ESYT2: variants seen among roughly 807,000 people sequenced by gnomAD.
The protein encoded by ESYT2 is extended synaptotagmin-2.
In ESYT2, 54 loss-of-function variants were observed where a neutral mutation model predicts 107.2. The observed-to-expected ratio is 0.50, with a 90% CI of 0.40 to 0.63. ESYT2 has a LOEUF of 0.63. Ranked by LOEUF, ESYT2 falls within the 30% of genes least tolerant of loss-of-function variation. ESYT2 has a pLI of 0.00. For missense variants in ESYT2, 1,020 were observed against 1,094.5 expected, an observed-to-expected ratio of 0.93 and a Z score of 0.96; for synonymous variants, 491 against 434.1, an observed-to-expected ratio of 1.13 and a Z score of -1.63.
chr7:158,806,702 TCACA>T (rs901229507), intron 1 of ESYT2, among the ~76,000 whole-genome samples: 1 of 152,206 alleles, frequency 6.6e-6, no homozygotes. Flanking sequence ...AAAAGAAAGG[TCACA>T]CAATTATTTC....
In ESYT2 at chr7:158,829,223, C is replaced by G; in HGVS notation, c.196G>C (p.Ala66Pro). The change falls in exon 1 of 23, where the codon GCG becomes CCG. Residue 66 changes from alanine to proline, a missense_variant. Coordinates refer to ENST00000275418, the MANE Select transcript of ESYT2 (RefSeq NM_001367773.1). ...LGLSFSWVLLALALLAWCRRS... is the reference protein window; with the variant it reads ...LGLSFSWVLLPLALLAWCRRS... ...CGACACCAGGCGAGCAGCGCGAGCG[C>G]GAGGAGAACCCAGCTGAAGCTGAGC... 1 of 1,529,284 alleles carries G rather than the reference C, an allele frequency of 6.5e-7. No homozygotes were observed. The highest frequency in any genetic ancestry group is 8.7e-7 in the Non-Finnish European group (1 of 1,145,938). 94.7% of individuals were successfully genotyped at this position (1,529,284 alleles called of 1,614,324 possible).
chr7:158,759,734 C>T (rs1837895319), intron 12 of ESYT2, among the ~76,000 whole-genome samples, 153 bp from the exon 13 acceptor site: 1 of 152,158 alleles, frequency 6.6e-6, no homozygotes, highest in African/African-American at 2.4e-5. Context: ...CAATAAATGC[C>T]TTTTAAATAA....
intron 16 of ESYT2, among the ~76,000 whole-genome samples, chr7:158,746,374 GT>G (rs1837403373): frequency 1.3e-5 from 2 of 152,110 alleles, no homozygotes; most frequent in South Asian, 4.1e-4. Context: ...GCTGGGTGTG[GT>G]GGTGTGCACC....
intron 17 of ESYT2, among the ~76,000 whole-genome samples, chr7:158,742,159 C>CGCAAGCTCCTGGCCTCAAG: frequency 6.6e-6 from 1 of 152,280 alleles, no homozygotes; most frequent in South Asian, 2.1e-4. Flanking sequence ...CGCACTACAC[C>CGCAAGCTCCTGGCCTCAAG]ACAAGCTCCT....
chr7:158,784,405 C>G (rs1253031302), intron 6 of ESYT2, among the ~76,000 whole-genome samples: 1 of 152,206 alleles, frequency 6.6e-6, no homozygotes, highest in Non-Finnish European at 1.5e-5. Flanking sequence ...GTATCTGACC[C>G]AGCTGGAATG....
At chr7:158,809,249 G>A (rs978627114) in intron 1 of ESYT2, among the ~76,000 whole-genome samples, 12 of 151,854 alleles carry the variant, frequency 7.9e-5, no homozygotes, top group African/African-American at 1.9e-4. Context: ...AGGCCAAGGC[G>A]GGCGGATCAC....
At chr7:158,797,752 G>C (rs1839507653) in intron 3 of ESYT2, among the ~76,000 whole-genome samples, 190 bp downstream of exon 3, 1 of 152,100 alleles carries the variant, frequency 6.6e-6, no homozygotes, top group South Asian at 2.1e-4. Flanking sequence ...TACTCGGGAG[G>C]CTGAGGCAGG....
chr7:158,781,526 GGT>G (rs1284184196), intron 6 of ESYT2, among the ~76,000 whole-genome samples: 44 of 151,748 alleles, frequency 2.9e-4, no homozygotes, highest in Middle Eastern at 3.5e-3. Flanking sequence ...AAGTGTGAGA[GGT>G]GTGAGTGTAA....
At chr7:158,773,199 G>A in intron 7 of ESYT2, 142 bp downstream of exon 7, 10 of 915,594 alleles carry the variant, frequency 1.1e-5, no homozygotes, top group Non-Finnish European at 1.8e-5. Flanking sequence ...CCCTCTGCTT[G>A]TTTCTCACGA....
At chr7:158,817,229 G>C (rs990880931) in intron 1 of ESYT2, among the ~76,000 whole-genome samples, 1 of 152,198 alleles carries the variant, frequency 6.6e-6, no homozygotes, top group Non-Finnish European at 1.5e-5. Flanking sequence ...ACTTAAGACT[G>C]ACAGAACTGA....
chr7:158,763,562 T>C (rs1397547365), intron 9 of ESYT2, among the ~76,000 whole-genome samples: 1 of 152,182 alleles, frequency 6.6e-6, no homozygotes, highest in Admixed American at 6.5e-5. Flanking sequence ...CCCAAAGCGT[T>C]GGGATTACCA....
chr7:158,750,056 T>C (rs1837531757), intron 14 of ESYT2, among the ~76,000 whole-genome samples: 1 of 152,198 alleles, frequency 6.6e-6, no homozygotes, highest in African/African-American at 2.4e-5. Flanking sequence ...ATGAATAAAG[T>C]GCAATTAATG....
intron 16 of ESYT2, among the ~76,000 whole-genome samples, chr7:158,747,508 T>C (rs1837445325): frequency 6.6e-6 from 1 of 152,134 alleles, no homozygotes; most frequent in South Asian, 2.1e-4. Flanking sequence ...TCAACGTCAT[T>C]AGTAATGACG....
intron 1 of ESYT2, among the ~76,000 whole-genome samples, chr7:158,826,299 C>G (rs1301661747): frequency 6.6e-6 from 1 of 152,126 alleles, no homozygotes; most frequent in Non-Finnish European, 1.5e-5. Flanking sequence ...TAATCACTGT[C>G]AAGTTTCATG....
intron 6 of ESYT2, among the ~76,000 whole-genome samples, chr7:158,779,369 G>T (rs935161930): frequency 2.6e-5 from 4 of 152,030 alleles, no homozygotes; most frequent in African/African-American, 9.7e-5. Flanking sequence ...TCTAGCCTGG[G>T]CAACACAGCA....
In ESYT2 at chr7:158,741,622, C is replaced by T; in HGVS notation, c.2069G>A (p.Gly690Asp). 6.2e-7 allele frequency: 1 copy of T among 1,613,106 alleles called. No homozygotes were observed. Among genetic ancestry groups the T allele is most frequent in the Non-Finnish European group, 8.5e-7 (1 of 1,179,960 alleles). ...RSSSSLLASP[G>D]HISVKEPTPS... ...GGTCGGCTCCTTGACTGAGATGTGGCCTGGGGAGGCCAGGAGGCTGGAGGA... is the reference window on the plus strand; with the variant it reads ...GGTCGGCTCCTTGACTGAGATGTGGTCTGGGGAGGCCAGGAGGCTGGAGGA... The change falls in exon 18 of 23, where the codon GGC (glycine) becomes GAC (aspartate). Residue 690 changes from glycine to aspartate, a missense_variant. Physicochemically the swap from Gly to Asp is moderately conservative, Grantham distance 94. Coordinates refer to ENST00000275418, the MANE Select transcript of ESYT2 (RefSeq NM_001367773.1).
At chr7:158,775,053 C>G (rs1838504977) in intron 6 of ESYT2, among the ~76,000 whole-genome samples, 1 of 152,088 alleles carries the variant, frequency 6.6e-6, no homozygotes, top group Non-Finnish European at 1.5e-5. Context: ...ATATTGTGGG[C>G]TGGGTTCTAG....
chr7:158,827,162 C>CAAAAAAAAAAAAAA, intron 1 of ESYT2, among the ~76,000 whole-genome samples: 1 of 106,022 alleles, frequency 9.4e-6, no homozygotes, highest in East Asian at 2.4e-4. Context: ...GGCTCTGTCT[C>CAAAAAAAAAAAAAA]AAAAAAAAAA....
intron 6 of ESYT2, among the ~76,000 whole-genome samples, chr7:158,785,426 A>AAAATAAATAAAT (rs55862703): frequency 1.5e-4 from 21 of 144,030 alleles, no homozygotes; most frequent in East Asian, 6.2e-4. Flanking sequence ...ACTCCGTCTC[A>AAAATAAATAAAT]AAATAAATAA....
Sources: gnomAD v4.1 joint callset for allele counts (sites outside exome capture counted in the v4.1 genomes callset) on GRCh38, gnomAD v4.1.1 for gene constraint, MANE v1.5 for transcripts, NCBI Gene and HGNC (gene_info 2026-07-23, HGNC 2026-07-21) for gene names.